The following THRB variants were observed in gnomAD, a reference collection of about 807,000 sequenced individuals.
The protein encoded by THRB is nuclear receptor subfamily 1 group A member 2.
In THRB, 12 loss-of-function variants were observed where a neutral mutation model predicts 47.8. That is an observed-to-expected ratio of 0.25 (90% CI 0.16 to 0.41). The LOEUF (loss-of-function observed/expected upper bound fraction) is 0.41. THRB is among the 10% of genes least tolerant of loss of function. THRB has a pLI of 1.00. For synonymous variants in THRB, 218 were observed against 212.2 expected, an observed-to-expected ratio of 1.03 and a Z score of -0.24; for missense variants, 348 against 589.2, an observed-to-expected ratio of 0.59 and a Z score of 4.24.
At chr3:24,447,223 C>G (rs1415705689) in intron 1 of THRB, among the ~76,000 whole-genome samples, 1 of 152,044 alleles carries the variant, frequency 6.6e-6, no homozygotes, top group Non-Finnish European at 1.5e-5. Flanking sequence ...GGAAGAAATT[C>G]GAAGCAATTA....
chr3:24,381,025 G>T (rs1450037680), intron 1 of THRB, among the ~76,000 whole-genome samples: 1 of 150,214 alleles, frequency 6.7e-6, no homozygotes, highest in Non-Finnish European at 1.5e-5. Context: ...TGAGGCAGGA[G>T]AATTGCTTGA....
intron 10 of THRB, 39 bp downstream of exon 10, chr3:24,127,459 AG>A: frequency 6.2e-7 from 1 of 1,613,020 alleles, no homozygotes; most frequent in Non-Finnish European, 8.5e-7. Context: ...GACAAGCAAA[AG>A]CTCTTTGGAT....
intron 5 of THRB, among the ~76,000 whole-genome samples, chr3:24,157,478 T>C (rs567616664): frequency 1.3e-5 from 2 of 152,322 alleles, no homozygotes; most frequent in South Asian, 4.1e-4. Context: ...GGATCATTTC[T>C]TCTGATTCAA....
At chr3:24,137,406 G>A (rs1443219746) in intron 8 of THRB, among the ~76,000 whole-genome samples, 1 of 152,208 alleles carries the variant, frequency 6.6e-6, no homozygotes, top group Non-Finnish European at 1.5e-5. Context: ...ATGTATTCGT[G>A]GAAGAATTTG....
At chr3:24,469,916 A>C (rs1315596847) in intron 1 of THRB, among the ~76,000 whole-genome samples, 1 of 152,254 alleles carries the variant, frequency 6.6e-6, no homozygotes, top group East Asian at 1.9e-4. Flanking sequence ...ATGAAGACTG[A>C]CACTTCAAAT....
chr3:24,363,744 C>G (rs1424392143), intron 1 of THRB, among the ~76,000 whole-genome samples: 1 of 152,100 alleles, frequency 6.6e-6, no homozygotes, highest in African/African-American at 2.4e-5. Context: ...ATACTAGTGA[C>G]TTGACATTTT....
At chr3:24,134,608 T>TCCTCACCC in intron 8 of THRB, among the ~76,000 whole-genome samples, 1 of 152,224 alleles carries the variant, frequency 6.6e-6, no homozygotes, top group East Asian at 1.9e-4. Context: ...GCTCCACACC[T>TCCTCACCC]CCTCACCCCT....
chr3:24,379,053 A>C (rs1331795359), intron 1 of THRB, among the ~76,000 whole-genome samples: 1 of 152,098 alleles, frequency 6.6e-6, no homozygotes, highest in Non-Finnish European at 1.5e-5. Context: ...TTCCCACTTT[A>C]TTAGATGAGA....
chr3:24,479,181 A>G (rs1165794575), intron 1 of THRB, among the ~76,000 whole-genome samples: 1 of 152,120 alleles, frequency 6.6e-6, no homozygotes, highest in Non-Finnish European at 1.5e-5. Context: ...GGGCGCCTGT[A>G]GTCCCAGCTA....
At chr3:24,192,268 G>A (rs1242417255) in intron 4 of THRB, among the ~76,000 whole-genome samples, 3 of 152,100 alleles carry the variant, frequency 2.0e-5, no homozygotes. Flanking sequence ...AGGGCTTGAG[G>A]TTTTTCATGA....
chr3:24,426,648 T>A (rs1056638418), intron 1 of THRB, among the ~76,000 whole-genome samples: 4 of 151,996 alleles, frequency 2.6e-5, no homozygotes, highest in Non-Finnish European at 4.4e-5. Context: ...GATTTTTAGA[T>A]TAATTGTCTA....
At chr3:24,377,684 C>G (rs1383252542) in intron 1 of THRB, among the ~76,000 whole-genome samples, 2 of 152,108 alleles carry the variant, frequency 1.3e-5, no homozygotes, top group Admixed American at 1.3e-4. Flanking sequence ...CACAATGTAA[C>G]TTTCTAGTGA....
rs73148349 is a variant in THRB, at chr3:24,288,886, A to C, written c.-43+8340T>G. 7.1e-3 allele frequency among the ~76,000 whole-genome samples: 1,085 copies of C among 152,332 alleles called. 16 individuals carry two copies. The highest frequency in any genetic ancestry group is 0.024 in the African/African-American group (996 of 41,574). On this transcript the variant is annotated intron_variant, in intron 3 of 10. Transcript: ENST00000646209. ...TGATTTACAAACACACACCATTTGT[A>C]TGCTTGGTCGTTATGTAAAATGTAT...
At chr3:24,482,444 A>C (rs1696586924) in intron 1 of THRB, among the ~76,000 whole-genome samples, 1 of 152,138 alleles carries the variant, frequency 6.6e-6, no homozygotes, top group Non-Finnish European at 1.5e-5. Flanking sequence ...CTTTCAATGC[A>C]AGCATAGATA....
rs141483827 is a variant in THRB at position 24,463,056 on chromosome 3, A to G, written c.-261+31596T>C. Among the ~76,000 whole-genome samples the G allele has an allele frequency of 4.1e-3, 629 of 152,274 alleles. 2 individuals are homozygous for G. Among genetic ancestry groups the G allele is most frequent in the Middle Eastern group, 0.014 (4 of 294 alleles). On this transcript the variant is annotated intron_variant, in intron 1 of 10. Transcript: ENST00000646209. ...CCACAGTATCTATTTGGGCTCTGCTATTGACAAAGAGCTTGATTTGCCCTG... is the reference window on the plus strand; with the variant it reads ...CCACAGTATCTATTTGGGCTCTGCTGTTGACAAAGAGCTTGATTTGCCCTG...
intron 5 of THRB, among the ~76,000 whole-genome samples, chr3:24,159,993 G>C (rs186120073): frequency 4.9e-4 from 75 of 152,342 alleles, no homozygotes; most frequent in Admixed American, 1.4e-3. Context: ...ATCTGCCTTT[G>C]AAGGCAGGGC....
chr3:24,244,164 G>A (rs1337065334), intron 3 of THRB, among the ~76,000 whole-genome samples: 8 of 152,058 alleles, frequency 5.3e-5, no homozygotes, highest in African/African-American at 1.9e-4. Flanking sequence ...ATCCTGAAAG[G>A]AGACTGTGGT....
At chr3:24,139,506 C>T (rs946512549) in intron 8 of THRB, among the ~76,000 whole-genome samples, 2 of 151,978 alleles carry the variant, frequency 1.3e-5, no homozygotes, top group Non-Finnish European at 2.9e-5. Context: ...ACCTCAGCCT[C>T]CTGAGTAGTG....
chr3:24,351,591 G>A (rs2063357495), intron 1 of THRB, among the ~76,000 whole-genome samples: 2 of 151,956 alleles, frequency 1.3e-5, no homozygotes, highest in African/African-American at 4.8e-5. Context: ...TTCTTATTTA[G>A]GTCAACTTCT....
Sources: gnomAD v4.1 joint callset for allele counts (sites outside exome capture counted in the v4.1 genomes callset) on GRCh38, gnomAD v4.1.1 for gene constraint, MANE v1.5 for transcripts, NCBI Gene and HGNC (gene_info 2026-07-23, HGNC 2026-07-21) for gene names.